The following SHISA9 variants were observed in gnomAD, a reference collection of about 807,000 sequenced individuals.
SHISA9 encodes protein shisa-9.
A neutral mutation model predicts 38.0 loss-of-function variants in SHISA9; 13 were observed. The ratio of observed to expected loss-of-function variants is 0.34; its 90% CI spans 0.22 to 0.54. The LOEUF (loss-of-function observed/expected upper bound fraction) is 0.54. Among genes scored for constraint, SHISA9 ranks in the 20% least tolerant of loss-of-function variants. The pLI is 0.91. For missense variants in SHISA9, 538 were observed against 575.8 expected, an observed-to-expected ratio of 0.93 and a Z score of 0.67; for synonymous variants, 275 against 242.0, an observed-to-expected ratio of 1.14 and a Z score of -1.27.
chr16:13,108,861 G>T (rs1460939930), intron 2 of SHISA9, among the ~76,000 whole-genome samples: 1 of 152,136 alleles, frequency 6.6e-6, no homozygotes, highest in Non-Finnish European at 1.5e-5. Flanking sequence ...CCCTAGGTAT[G>T]GTCAATTTCT....
chr16:13,241,047 T>A (rs1371231325), downstream of SHISA9, among the ~76,000 whole-genome samples: 1 of 152,104 alleles, frequency 6.6e-6, no homozygotes, highest in Non-Finnish European at 1.5e-5. Flanking sequence ...CAGGGAAACT[T>A]TGGGAGACAG....
chr16:13,191,386 C>A (rs144533978), intron 2 of SHISA9, among the ~76,000 whole-genome samples: 4 of 152,316 alleles, frequency 2.6e-5, no homozygotes, highest in African/African-American at 9.6e-5. Context: ...AACCTAACAT[C>A]CTCTTTTCCT....
chr16:13,401,409 A>T, the SHISA9 span, among the ~76,000 whole-genome samples: 1 of 152,322 alleles, frequency 6.6e-6, no homozygotes, highest in African/African-American at 2.4e-5. Flanking sequence ...AGGCCCACGC[A>T]TATTACTTTC....
chr16:13,298,209 G>T, the SHISA9 span, among the ~76,000 whole-genome samples: 1 of 152,044 alleles, frequency 6.6e-6, no homozygotes, highest in Non-Finnish European at 1.5e-5. Flanking sequence ...AACCTTCCTG[G>T]TCTTAATTCT....
In SHISA9 at chr16:13,235,509, C is replaced by T; in HGVS notation, c.*100C>T. 7.5e-7 allele frequency: 1 copy of T among 1,338,834 alleles called. No homozygotes were observed. Among genetic ancestry groups the T allele is most frequent in the Non-Finnish European group, 9.9e-7 (1 of 1,006,972 alleles). The allele number at this position is 1,338,834 out of a possible 1,614,324, so 82.9% of individuals were successfully genotyped here. A position where few individuals can be genotyped will look rare whatever the true frequency, so the allele number is the denominator to read the frequency against. On this transcript the variant is annotated 3_prime_UTR_variant, in exon 5 of 5. Transcript: ENST00000558583. ...CCCATCCTCCCCTAATACATGCGTC[C>T]ACACACTCACTCTCAACAAGAACCA... is the stretch of plus-strand genomic sequence containing the variant.
chr16:13,454,370 C>T, the SHISA9 span, among the ~76,000 whole-genome samples: 13 of 152,110 alleles, frequency 8.5e-5, no homozygotes, highest in Non-Finnish European at 1.6e-4. Context: ...AGGTGTTTGC[C>T]TTCACTGACA....
intron 2 of SHISA9, among the ~76,000 whole-genome samples, chr16:13,084,080 C>G (rs2073684073): frequency 7.0e-6 from 1 of 143,690 alleles, no homozygotes; most frequent in Admixed American, 7.3e-5. Flanking sequence ...TGAGGTTATT[C>G]ATATGATCAT....
At chr16:13,062,931 G>A (rs960386080) in intron 2 of SHISA9, among the ~76,000 whole-genome samples, 3 of 152,190 alleles carry the variant, frequency 2.0e-5, no homozygotes, top group Non-Finnish European at 4.4e-5. Flanking sequence ...ACAGTGGCGA[G>A]GCTAGATGCA....
At chr16:13,139,348 C>T in intron 2 of SHISA9, among the ~76,000 whole-genome samples, 1 of 136,858 alleles carries the variant, frequency 7.3e-6, no homozygotes, top group East Asian at 2.2e-4. Context: ...CTTCACACCC[C>T]TTCCCTCCCT....
At chr16:13,491,909 T>A in the SHISA9 span, among the ~76,000 whole-genome samples, 2 of 130,252 alleles carry the variant, frequency 1.5e-5, no homozygotes, top group African/African-American at 5.8e-5. Context: ...ACTCCTGGGC[T>A]CAAGCAATCC....
At chr16:13,003,383 T>C (rs1191658391) in intron 2 of SHISA9, among the ~76,000 whole-genome samples, 1 of 152,206 alleles carries the variant, frequency 6.6e-6, no homozygotes, top group African/African-American at 2.4e-5. Flanking sequence ...TTTGTTCTAC[T>C]CTCCTACACT....
chr16:13,447,658 TA>T, the SHISA9 span, among the ~76,000 whole-genome samples: 1 of 152,182 alleles, frequency 6.6e-6, no homozygotes, highest in African/African-American at 2.4e-5. Context: ...ACATGCATTA[TA>T]ATCAGCAAAT....
the SHISA9 span, among the ~76,000 whole-genome samples, chr16:13,287,644 G>A: frequency 1.3e-5 from 2 of 152,148 alleles, no homozygotes; most frequent in Non-Finnish European, 2.9e-5. Flanking sequence ...AGACCCTGCA[G>A]GGTCTTTTAT....
At chr16:13,401,901 G>A in the SHISA9 span, among the ~76,000 whole-genome samples, 1 of 152,152 alleles carries the variant, frequency 6.6e-6, no homozygotes, top group African/African-American at 2.4e-5. Flanking sequence ...GCAGGCAAGA[G>A]AGCCTGTGCC....
In SHISA9 at chr16:12,975,657, G is replaced by T. The variant is rs1000802630; in HGVS notation, c.691+58842G>T. Among the ~76,000 whole-genome samples, 18 of 97,740 alleles carry T rather than the reference G, an allele frequency of 1.8e-4. No individual in the cohort carries two copies. The East Asian group carries it at 4.1e-3, about 22-fold the overall frequency. 64.1% of individuals were successfully genotyped at this position (97,740 alleles called of 152,430 possible). A position where few individuals can be genotyped will look rare whatever the true frequency, so the allele number is the denominator to read the frequency against. ...TAAATGGGTGGGGTGGGACGGGGGCGGGGGGGGTAAGGGCATGTCACTATG... is the reference window on the plus strand; with the variant it reads ...TAAATGGGTGGGGTGGGACGGGGGCTGGGGGGGTAAGGGCATGTCACTATG... On this transcript the variant is annotated intron_variant, in intron 2 of 4. Transcript: ENST00000558583.
chr16:13,290,698 G>A, the SHISA9 span, among the ~76,000 whole-genome samples: 8 of 152,104 alleles, frequency 5.3e-5, no homozygotes, highest in Non-Finnish European at 1.2e-4. Context: ...TCCAGCCTGT[G>A]GTGGTAAAAT....
intron 2 of SHISA9, among the ~76,000 whole-genome samples, chr16:12,926,478 G>T (rs1334111337): frequency 6.6e-6 from 1 of 152,158 alleles, no homozygotes; most frequent in Non-Finnish European, 1.5e-5. Context: ...ACTGCTATGT[G>T]CCAGTCAATG....
At chr16:13,114,752 T>C (rs2074014200) in intron 2 of SHISA9, among the ~76,000 whole-genome samples, 1 of 152,330 alleles carries the variant, frequency 6.6e-6, no homozygotes, top group Middle Eastern at 3.4e-3. Context: ...CTTTTACATA[T>C]AGATTTATGT....
intron 2 of SHISA9, among the ~76,000 whole-genome samples, chr16:12,964,509 C>T (rs2071953284): frequency 6.6e-6 from 1 of 151,904 alleles, no homozygotes; most frequent in Non-Finnish European, 1.5e-5. Flanking sequence ...TTAATGTCAG[C>T]AAGTTTTTCT....
Sources: allele counts gnomAD v4.1 joint callset (sites outside exome capture counted in the v4.1 genomes callset), GRCh38; gene constraint gnomAD v4.1.1; transcripts MANE v1.5; gene names NCBI Gene and HGNC (gene_info 2026-07-23, HGNC 2026-07-21).